The following TPTE2 variants were observed in gnomAD, a reference collection of about 807,000 sequenced individuals.
The protein encoded by TPTE2 is transmembrane phosphoinositide 3-phosphatase and tensin homolog 2.
Under a neutral mutation model 78.6 loss-of-function variants are expected in TPTE2, and 53 were observed. That is an observed-to-expected ratio of 0.67 (90% CI 0.54 to 0.85). The LOEUF is 0.85. Ranked by LOEUF, TPTE2 falls within the 40% of genes least tolerant of loss-of-function variation. TPTE2 has a pLI of 0.00. For synonymous variants in TPTE2, 175 were observed against 206.2 expected, an observed-to-expected ratio of 0.85 and a Z score of 1.30; for missense variants, 461 against 623.0, an observed-to-expected ratio of 0.74 and a Z score of 2.77.
At chr13:19,426,567 C>G (rs1391874923) in intron 17 of TPTE2, 50 bp from the exon 21 acceptor site, 3 of 1,115,262 alleles carry the variant, frequency 2.7e-6, no homozygotes, top group African/African-American at 3.1e-5. Context: ...ATAACGATAA[C>G]AAAAGTTCCT....
chr13:19,428,024 A>C lies in TPTE2; in HGVS notation c.1303-1507T>G, dbSNP rs200841408. 3.3e-5 allele frequency among the ~76,000 whole-genome samples: 5 copies of C among 152,220 alleles called. No individual in the cohort carries two copies. The East Asian group carries it at 9.6e-4, about 29-fold the overall frequency. On this transcript the variant is annotated intron_variant, in intron 17 of 19. Coordinates refer to ENST00000400230, the Ensembl canonical transcript of TPTE2. ...GGGGGCTAGTTAACAGAAGGTGCAG[A>C]ATGCAAAAATTTCATTAAGGAGGTA... is the stretch of plus-strand genomic sequence containing the variant.
chr13:19,544,060 C>CAAAAAAA, the TPTE2 span, among the ~76,000 whole-genome samples: 15,467 of 32,010 alleles, frequency 0.48, 5,715 homozygotes, highest in East Asian at 0.72. Flanking sequence ...GAACCTGTCT[C>CAAAAAAA]AAAAAAAAAA....
exon 20 of TPTE2, chr13:19,422,992 A>G (rs1875712858): frequency 6.3e-7 from 1 of 1,584,610 alleles, no homozygotes; most frequent in South Asian, 1.2e-5. Context: ...GTTGGAAAGA[A>G]CATAATTCTT....
chr13:19,443,772 AC>A (rs1566042363), intron 13 of TPTE2, among the ~76,000 whole-genome samples: 3 of 134,286 alleles, frequency 2.2e-5, no homozygotes, highest in African/African-American at 8.3e-5. Flanking sequence ...ACACACACAC[AC>A]ACACACAGTC....
chr13:19,465,219 G>A (rs757595757), intron 9 of TPTE2, 36 bp downstream of exon 12: 2 of 1,611,706 alleles, frequency 1.2e-6, no homozygotes, highest in Admixed American at 1.7e-5. Context: ...AAAAAGTGAA[G>A]TAATACAAGT....
chr13:19,452,265 G>T (rs1397875638), intron 10 of TPTE2, among the ~76,000 whole-genome samples: 1 of 152,038 alleles, frequency 6.6e-6, no homozygotes, highest in Non-Finnish European at 1.5e-5. Flanking sequence ...ATATCTATGA[G>T]AAATTTAAGC....
chr13:19,528,608 G>A (rs17082903), intron 1 of TPTE2, among the ~76,000 whole-genome samples: 3,246 of 152,222 alleles, frequency 0.021, 126 homozygotes, highest in African/African-American at 0.074. Flanking sequence ...CTTTACTCCC[G>A]TAGTAAGTAG....
Position 19,432,462 on chromosome 13 carries a change from A to G in TPTE2, c.1222+11T>C. The G allele has an allele frequency of 2.0e-6, 3 of 1,524,360 alleles. No individual in the cohort carries two copies. Among genetic ancestry groups the G allele is most frequent in the Non-Finnish European group, 2.7e-6 (3 of 1,128,840 alleles). 94.4% of individuals were successfully genotyped at this position (1,524,360 alleles called of 1,614,324 possible). ...CCTGCCCAATTCTTCAATTACACATAAAGCACTTACCACGAATCGAATAAA... is the reference window on the plus strand; with the variant it reads ...CCTGCCCAATTCTTCAATTACACATGAAGCACTTACCACGAATCGAATAAA... On this transcript the variant is annotated intron_variant, in intron 16 of 19. Transcript: ENST00000400230.
At chr13:19,497,157 G>C (rs1295752730) in intron 1 of TPTE2, among the ~76,000 whole-genome samples, 1 of 151,780 alleles carries the variant, frequency 6.6e-6, no homozygotes, top group East Asian at 2.0e-4. Flanking sequence ...CTACGCCCAC[G>C]GAGTCTCGCT....
At chr13:19,443,901 G>T (rs1027751475) in intron 13 of TPTE2, among the ~76,000 whole-genome samples, 2 of 152,102 alleles carry the variant, frequency 1.3e-5, no homozygotes, top group African/African-American at 4.8e-5. Flanking sequence ...AGTGCTAGGG[G>T]AGATAAATGA....
intron 18 of TPTE2, chr13:19,425,769 A>G (rs1226073228): frequency 1.9e-6 from 1 of 515,400 alleles, no homozygotes; most frequent in Non-Finnish European, 3.9e-6. Context: ...CCCACCCATC[A>G]GTCGAGCACA....
At chr13:19,544,075 A>AAAAAAAAAAAAAAAAC in the TPTE2 span, among the ~76,000 whole-genome samples, 1 of 149,454 alleles carries the variant, frequency 6.7e-6, no homozygotes, top group East Asian at 1.9e-4. Context: ...AAAAAAAAAA[A>AAAAAAAAAAAAAAAAC]AAAAAAAGCC....
intron 6 of TPTE2, among the ~76,000 whole-genome samples, chr13:19,469,499 C>A (rs2038554581): frequency 6.6e-6 from 1 of 152,100 alleles, no homozygotes; most frequent in Admixed American, 6.5e-5. Context: ...ATAGTTTTGG[C>A]TATTCTGGGT....
chr13:19,534,470 T>C (rs1871086559), intron 1 of TPTE2, among the ~76,000 whole-genome samples: 1 of 152,218 alleles, frequency 6.6e-6, no homozygotes, highest in South Asian at 2.1e-4. Context: ...AAGATGTTAC[T>C]GAAATCATGG....
chr13:19,556,202 T>C, the TPTE2 span, among the ~76,000 whole-genome samples: 3 of 152,184 alleles, frequency 2.0e-5, no homozygotes, highest in African/African-American at 7.2e-5. Context: ...CTTTTTATCA[T>C]ACACAAGAAA....
chr13:19,526,493 C>T (rs562511871), intron 1 of TPTE2, among the ~76,000 whole-genome samples: 10 of 152,148 alleles, frequency 6.6e-5, no homozygotes, highest in Middle Eastern at 3.4e-3. Flanking sequence ...CATGTTCTCA[C>T]TTATAAGTGG....
intron 16 of TPTE2, 103 bp from the exon 20 acceptor site, chr13:19,430,650 G>T: frequency 1.3e-6 from 1 of 756,880 alleles, no homozygotes; most frequent in South Asian, 1.8e-5. Context: ...AATTATCCAA[G>T]CTAACAACGT....
the TPTE2 span, among the ~76,000 whole-genome samples, chr13:19,550,995 A>G: frequency 6.6e-6 from 1 of 152,062 alleles, no homozygotes; most frequent in Non-Finnish European, 1.5e-5. Flanking sequence ...AACCATGAGG[A>G]CTTGGAACAT....
chr13:19,536,560 A>G (rs1342152887), intron 1 of TPTE2: 1 of 152,158 alleles, frequency 6.6e-6, no homozygotes, highest in African/African-American at 2.4e-5. Context: ...ATTTTATAAA[A>G]TACTATTATA....
Sources: gnomAD v4.1 joint callset for allele counts (sites outside exome capture counted in the v4.1 genomes callset) on GRCh38, gnomAD v4.1.1 for gene constraint, MANE v1.5 for transcripts, NCBI Gene and HGNC (gene_info 2026-07-23, HGNC 2026-07-21) for gene names.